The following RPTOR variants were observed in gnomAD, a reference collection of about 807,000 sequenced individuals.
RPTOR encodes the protein regulatory associated protein of MTOR complex 1.
A neutral mutation model predicts 169.9 loss-of-function variants in RPTOR; 21 were observed. The observed-to-expected ratio is 0.12, with a 90% CI of 0.09 to 0.18. The LOEUF (loss-of-function observed/expected upper bound fraction) is 0.18, where lower values mean the gene tolerates loss of function less well. Ranked by LOEUF, RPTOR falls within the 10% of genes least tolerant of loss-of-function variation. The pLI, the probability that RPTOR is intolerant of heterozygous loss-of-function variation, is 1.00. For synonymous variants in RPTOR, 732 were observed against 753.2 expected (o/e 0.97, Z 0.46); for missense variants, 1,133 against 1,855.9 (o/e 0.61, Z 7.16).
At chr17:80,837,517 C>A (rs767936107) in intron 9 of RPTOR, among the ~76,000 whole-genome samples, 1 of 152,232 alleles carries the variant, frequency 6.6e-6, no homozygotes, top group Non-Finnish European at 1.5e-5. Context: ...GACGCTGCCC[C>A]ATCAGAGCCT....
chr17:80,616,754 A>G (rs2065314236), intron 1 of RPTOR, among the ~76,000 whole-genome samples: 1 of 139,932 alleles, frequency 7.1e-6, no homozygotes, highest in Admixed American at 7.2e-5. Flanking sequence ...TGAACTGGGA[A>G]GGAGTGGAGA....
At chr17:80,830,527 T>G (rs1187899886) in intron 9 of RPTOR, among the ~76,000 whole-genome samples, 7 of 152,186 alleles carry the variant, frequency 4.6e-5, no homozygotes, top group Non-Finnish European at 7.3e-5. Flanking sequence ...CGCACGGCCT[T>G]CTCACGGCGT....
chr17:80,597,291 G>A (rs2065151169), intron 1 of RPTOR, among the ~76,000 whole-genome samples: 1 of 152,096 alleles, frequency 6.6e-6, no homozygotes, highest in South Asian at 2.1e-4. Flanking sequence ...GTTTAGGGAG[G>A]GTGTTCACAG....
intron 1 of RPTOR, among the ~76,000 whole-genome samples, chr17:80,557,524 A>C (rs917972554): frequency 1.6e-5 from 2 of 124,592 alleles, no homozygotes; most frequent in African/African-American, 2.8e-5. Context: ...CTCAAAATAA[A>C]TCAATAACTC....
chr17:80,863,853 G>C (rs780481660), intron 13 of RPTOR, among the ~76,000 whole-genome samples: 4 of 152,174 alleles, frequency 2.6e-5, no homozygotes, highest in African/African-American at 9.7e-5. Context: ...CCGGGAGGTC[G>C]AGGCTGCAAA....
intron 13 of RPTOR, among the ~76,000 whole-genome samples, chr17:80,872,529 C>T (rs1366398345): frequency 6.6e-6 from 1 of 152,186 alleles, no homozygotes; most frequent in Non-Finnish European, 1.5e-5. Flanking sequence ...GTGACATGCA[C>T]ATTGGTGACA....
chr17:80,856,480 G>A (rs1208444060), intron 12 of RPTOR, among the ~76,000 whole-genome samples: 1 of 152,222 alleles, frequency 6.6e-6, no homozygotes, highest in Admixed American at 6.5e-5. Context: ...ATCAGATAAT[G>A]TTGACAAAGA....
At chr17:80,940,702 C>G (rs2069014582) in intron 25 of RPTOR, 101 bp downstream of exon 25, 1 of 924,290 alleles carries the variant, frequency 1.1e-6, no homozygotes, top group Non-Finnish European at 1.7e-6. Flanking sequence ...GCACAACCTT[C>G]TCCAGCCATC....
chr17:80,744,397 TCCTGGCTACTAGCACAGC>T lies in RPTOR; in HGVS notation c.655-9579_655-9562del, dbSNP rs1176400106. Reference sequence around the variant, plus strand: ...AGCACAGCCCTGGTTACGAGCACTGTCCTGGCTACTAGCACAGCCCTGGCTACTAGCACAGCCCTGGCT... The same window carrying T: ...AGCACAGCCCTGGTTACGAGCACTGTCCTGGCTACTAGCACAGCCCTGGCT... On this transcript the variant is annotated intron_variant, in intron 5 of 33. Transcript: ENST00000306801. Among the ~76,000 whole-genome samples, 26 of 41,630 alleles carry T rather than the reference TCCTGGCTACTAGCACAGC, an allele frequency of 6.2e-4. 2 individuals are homozygous for T. The highest frequency in any genetic ancestry group is 1.7e-3 in the Admixed American group (8 of 4,628). 27.3% of individuals were successfully genotyped at this position (41,630 alleles called of 152,430 possible). A position where few individuals can be genotyped will look rare whatever the true frequency, so the allele number is the denominator to read the frequency against.
rs116027173 is a variant in RPTOR at position 80,722,540 on chromosome 17, G to A, written c.508-8020G>A. 1.5e-3 allele frequency among the ~76,000 whole-genome samples: 224 copies of A among 151,160 alleles called. 9 individuals carry two copies. Among genetic ancestry groups the A allele is most frequent in the African/African-American group, 5.4e-3 (218 of 40,482 alleles). ...GAGTGTGTGTTTGAGGGGAGACGGCGCATAGATGTCAGGTGGGGCAGGAAT... is the reference window on the plus strand; with the variant it reads ...GAGTGTGTGTTTGAGGGGAGACGGCACATAGATGTCAGGTGGGGCAGGAAT... On this transcript the variant is annotated intron_variant, in intron 4 of 33. Coordinates refer to ENST00000306801, the MANE Select transcript of RPTOR (RefSeq NM_020761.3).
intron 13 of RPTOR, among the ~76,000 whole-genome samples, chr17:80,868,971 A>T (rs2068022558): frequency 6.6e-6 from 1 of 152,188 alleles, no homozygotes; most frequent in African/African-American, 2.4e-5. Flanking sequence ...GGGGCAGAAG[A>T]AAATGTCTGA....
chr17:80,937,208 T>C (rs995614031), intron 24 of RPTOR, among the ~76,000 whole-genome samples: 2 of 152,292 alleles, frequency 1.3e-5, no homozygotes, highest in Non-Finnish European at 2.9e-5. Flanking sequence ...TTAGCGATCT[T>C]TTCCCATGGG....
In RPTOR at chr17:80,821,000, A is replaced by C. The variant is rs895978314; in HGVS notation, c.891-1201A>C. Among the ~76,000 whole-genome samples the C allele has an allele frequency of 6.6e-6, 1 of 152,238 alleles. No homozygotes were observed. The highest frequency in any genetic ancestry group is 1.5e-5 in the Non-Finnish European group (1 of 68,042). ...TGTTTGAGCAGCAGTGCTGCTTTAG[A>C]ATATTATACTAACTTCTCAATTTCT... On this transcript the variant is annotated intron_variant, in intron 7 of 33. Coordinates refer to ENST00000306801, the MANE Select transcript of RPTOR (RefSeq NM_020761.3). This position sits in a 1 kb window ranked among gnomAD's most constrained non-coding sequence, Gnocchi z 4.1.
chr17:80,597,554 G>C (rs1444018573), intron 1 of RPTOR, among the ~76,000 whole-genome samples: 2 of 152,110 alleles, frequency 1.3e-5, no homozygotes, highest in African/African-American at 4.8e-5. Context: ...TTTTGAGACA[G>C]GGTCTTACCC....
In RPTOR at chr17:80,902,575, C is replaced by T. The variant is rs138268681; in HGVS notation, c.2402-6236C>T. The stretch of plus-strand genomic sequence containing the variant: ...GTGTGGACACAGGCCTCACCTGTCC[C>T]GGCCCCCAGCCCATGCGTCTGCCCT... On this transcript the variant is annotated intron_variant, in intron 20 of 33. Transcript: ENST00000306801. 2.0e-3 allele frequency among the ~76,000 whole-genome samples: 305 copies of T among 152,380 alleles called. 1 individual carries two copies. The highest frequency in any genetic ancestry group is 3.3e-3 in the Non-Finnish European group (223 of 68,034).
Position 80,653,911 on chromosome 17 carries a change from C to G in RPTOR, c.348+10101C>G, listed in dbSNP as rs553892584. On this transcript the variant is annotated intron_variant, in intron 3 of 33. Coordinates refer to ENST00000306801, the MANE Select transcript of RPTOR (RefSeq NM_020761.3). ...TTCCTCTGTTGCTTCAGCTTCAGCT[C>G]TCTGCCCACTGCATTGTGTCGCTGG... Among the ~76,000 whole-genome samples the G allele has an allele frequency of 4.6e-5, 7 of 152,364 alleles. No homozygotes were observed. The South Asian group carries it at 1.4e-3, about 32-fold the overall frequency.
intron 18 of RPTOR, 60 bp downstream of exon 18, chr17:80,891,897 C>G (rs1470300185): frequency 2.1e-5 from 25 of 1,211,618 alleles, no homozygotes; most frequent in Non-Finnish European, 3.0e-5. Flanking sequence ...TAGTGCAGGC[C>G]GCGGCCCAGT....
At chr17:80,793,242 A>G (rs2067067792) in intron 7 of RPTOR, among the ~76,000 whole-genome samples, 1 of 152,234 alleles carries the variant, frequency 6.6e-6, no homozygotes, top group South Asian at 2.1e-4. Context: ...TAATGCAGAT[A>G]TTCCAAAATC....
At chr17:80,558,378 C>T (rs991592787) in intron 1 of RPTOR, among the ~76,000 whole-genome samples, 23 of 152,144 alleles carry the variant, frequency 1.5e-4, no homozygotes, top group Middle Eastern at 6.8e-3. Context: ...CTTCAGAGGC[C>T]GAACAGGAAA....
Sources: allele counts gnomAD v4.1 joint callset (sites outside exome capture counted in the v4.1 genomes callset), GRCh38; gene constraint gnomAD v4.1.1; non-coding constraint Gnocchi (gnomAD v3.1); transcripts MANE v1.5; gene names NCBI Gene and HGNC (gene_info 2026-07-23, HGNC 2026-07-21).